Variants in APP observed in about 807,000 individuals in gnomAD.
APP encodes amyloid-beta precursor protein.
A neutral mutation model predicts 101.4 loss-of-function variants in APP; 31 were observed. That is an observed-to-expected ratio of 0.31 (90% CI 0.23 to 0.41). The LOEUF is 0.41. APP is among the 10% of genes least tolerant of loss of function. The pLI is 1.00. For synonymous variants in APP, 366 were observed against 364.4 expected (o/e 1.00, Z -0.05); for missense variants, 839 against 1,003.7 (o/e 0.84, Z 2.22).
chr21:26,058,942 G>A (rs1478659352), intron 3 of APP, among the ~76,000 whole-genome samples: 4 of 151,964 alleles, frequency 2.6e-5, no homozygotes, highest in South Asian at 2.1e-4. Flanking sequence ...TTAGCCGGGC[G>A]TGGTAGCGGG....
intron 3 of APP, among the ~76,000 whole-genome samples, chr21:26,064,441 T>C (rs149936962): frequency 1.3e-5 from 2 of 152,292 alleles, no homozygotes; most frequent in African/African-American, 4.8e-5. Context: ...TTTAATGGCT[T>C]GATATAAAAG....
At chr21:26,045,226 C>G (rs2045557336) in intron 5 of APP, among the ~76,000 whole-genome samples, 1 of 151,426 alleles carries the variant, frequency 6.6e-6, no homozygotes, top group Non-Finnish European at 1.5e-5. Context: ...TATGAGCTGT[C>G]AATGTTTTAA....
intron 6 of APP, among the ~76,000 whole-genome samples, chr21:26,016,256 C>A (rs59806127): frequency 0.02 from 3,064 of 152,286 alleles, 103 homozygotes; most frequent in African/African-American, 0.07. Flanking sequence ...TGGTCTCTAA[C>A]TCCTGACCTC....
At chr21:26,016,076 G>A (rs1202562452) in intron 6 of APP, among the ~76,000 whole-genome samples, 1 of 152,062 alleles carries the variant, frequency 6.6e-6, no homozygotes, top group Non-Finnish European at 1.5e-5. Context: ...TTGTCGCCAG[G>A]CTGGAGTGCA....
Position 26,063,773 on chromosome 21 carries a change from A to G in APP, c.356-10425T>C, listed in dbSNP as rs376994778. Among the ~76,000 whole-genome samples the G allele has an allele frequency of 1.2e-4, 18 of 152,348 alleles. No homozygotes were observed. The East Asian group carries it at 3.5e-3, about 29-fold the overall frequency. ...ATGTAGATACTCTGCCCTCAAGAAAATGAAGCATAATTCTCTGCTCCTTAA... is the reference window on the plus strand; with the variant it reads ...ATGTAGATACTCTGCCCTCAAGAAAGTGAAGCATAATTCTCTGCTCCTTAA... On this transcript the variant is annotated intron_variant, in intron 3 of 17. Coordinates refer to ENST00000346798, the MANE Select transcript of APP (RefSeq NM_000484.4).
chr21:26,048,322 TA>T (rs1315334978), intron 5 of APP, among the ~76,000 whole-genome samples: 1 of 151,834 alleles, frequency 6.6e-6, no homozygotes, highest in African/African-American at 2.4e-5. Flanking sequence ...GACTCCATCT[TA>T]AAAAAAGAAA....
At chr21:25,912,136 T>C (rs973904491) in intron 13 of APP, among the ~76,000 whole-genome samples, 174 bp from the exon 14 acceptor site, 3 of 152,166 alleles carry the variant, frequency 2.0e-5, no homozygotes, top group Non-Finnish European at 2.9e-5. Context: ...ATGTGAAAAC[T>C]GAGGCACATG....
chr21:26,166,130 A>T (rs1241762744), intron 1 of APP, among the ~76,000 whole-genome samples: 2 of 152,248 alleles, frequency 1.3e-5, no homozygotes, highest in African/African-American at 4.8e-5. Context: ...AAACTGAAAA[A>T]ATAGTTACAT....
At chr21:26,041,214 C>T (rs959224285) in intron 5 of APP, among the ~76,000 whole-genome samples, 6 of 152,164 alleles carry the variant, frequency 3.9e-5, no homozygotes, top group African/African-American at 1.4e-4. Context: ...GCTTGATATG[C>T]TAATATGTAG....
At chr21:26,153,243 G>A (rs539862607) in intron 1 of APP, among the ~76,000 whole-genome samples, 9 of 152,104 alleles carry the variant, frequency 5.9e-5, no homozygotes, top group East Asian at 5.8e-4. Context: ...TCACCACTAC[G>A]TAATTCAACT....
Position 26,040,292 on chromosome 21 carries a change from C to T in APP, c.662+10708G>A, listed in dbSNP as rs9647116. Among the ~76,000 whole-genome samples the T allele has an allele frequency of 1.3e-3, 196 of 152,230 alleles. 1 individual carries two copies. Among genetic ancestry groups the T allele is most frequent in the Admixed American group, 8.5e-3 (129 of 15,266 alleles). On this transcript the variant is annotated intron_variant, in intron 5 of 17. Transcript: ENST00000346798. ...ACCTGTATTTTATGGTAATAAACCG[C>T]ATTTCTTTAAAAATATTGTACATTC...
At chr21:25,921,158 TA>T (rs2039617050) in intron 13 of APP, among the ~76,000 whole-genome samples, 1 of 131,036 alleles carries the variant, frequency 7.6e-6, no homozygotes, top group Admixed American at 7.7e-5. Flanking sequence ...AAGGCAGAAA[TA>T]AAGATGTTCT....
At chr21:25,926,344 G>A (rs940656392) in intron 13 of APP, among the ~76,000 whole-genome samples, 1 of 152,208 alleles carries the variant, frequency 6.6e-6, no homozygotes, top group African/African-American at 2.4e-5. Flanking sequence ...GTAGGTCGGT[G>A]GAGCAGCTGA....
chr21:25,997,568 T>C (rs2043106565), intron 7 of APP, 152 bp from the exon 8 acceptor site: 3 of 692,828 alleles, frequency 4.3e-6, no homozygotes, highest in African/African-American at 1.8e-5. Flanking sequence ...AATGAACATA[T>C]AAACATAAGA....
chr21:25,890,754 G>A (rs1174480745), intron 17 of APP, among the ~76,000 whole-genome samples: 1 of 144,144 alleles, frequency 6.9e-6, no homozygotes, highest in African/African-American at 2.5e-5. Context: ...TGGGGAATAT[G>A]AGGGGAAATC....
At position 26,039,832 on chromosome 21, in the gene APP, A is replaced by G. The variant is rs534372832; in HGVS notation, c.662+11168T>C. Among the ~76,000 whole-genome samples, 95 of 152,184 alleles carry G rather than the reference A, an allele frequency of 6.2e-4. 1 individual carries two copies. In the South Asian group the frequency reaches 0.014, roughly 22 times the overall value. On this transcript the variant is annotated intron_variant, in intron 5 of 17. Transcript: ENST00000346798. ...GCTCAATTGCAAAAAATTTATTTAT[A>G]TAAATATATAAAATGAATTGCTATA...
intron 3 of APP, among the ~76,000 whole-genome samples, chr21:26,066,121 G>C (rs1171462823): frequency 3.9e-5 from 6 of 152,158 alleles, no homozygotes. Context: ...CAGTGCCTAT[G>C]AATCACCTGG....
chr21:25,997,473 G>A, intron 7 of APP, 57 bp from the exon 8 acceptor site: 1 of 1,454,434 alleles, frequency 6.9e-7, no homozygotes, highest in Admixed American at 1.7e-5. Flanking sequence ...TGGGAATGAT[G>A]GCTGAAATGC....
chr21:25,926,790 T>TCA (rs2039913850), intron 13 of APP, among the ~76,000 whole-genome samples: 1 of 151,834 alleles, frequency 6.6e-6, no homozygotes, highest in Admixed American at 6.6e-5. Context: ...AATCATGAGG[T>TCA]CAGGAGATCG....
Sources: gnomAD v4.1 joint callset for allele counts (sites outside exome capture counted in the v4.1 genomes callset) on GRCh38, gnomAD v4.1.1 for gene constraint, MANE v1.5 for transcripts, NCBI Gene and HGNC (gene_info 2026-07-23, HGNC 2026-07-21) for gene names.